The following ANKRD6 variants were observed in gnomAD, a reference collection of about 807,000 sequenced individuals.
The protein encoded by ANKRD6 is ankyrin repeat domain 6, also known as ankyrin repeat domain-containing protein 6.
ANKRD6 carries 56 observed loss-of-function variants against 82.3 expected under a neutral mutation model. That is an observed-to-expected ratio of 0.68 (90% CI 0.55 to 0.85). The LOEUF is 0.85. Ranked by LOEUF, ANKRD6 falls within the 40% of genes least tolerant of loss-of-function variation. The pLI is 0.00. For missense variants in ANKRD6, 852 were observed against 907.6 expected (o/e 0.94, Z 0.79); for synonymous variants, 347 against 352.1 (o/e 0.99, Z 0.16).
At chr6:89,542,172 C>T (rs975725054) in intron 1 of ANKRD6, among the ~76,000 whole-genome samples, 2 of 152,146 alleles carry the variant, frequency 1.3e-5, no homozygotes, top group Non-Finnish European at 1.5e-5. Context: ...TGTCATTTAA[C>T]GTGCTCTTCT....
intron 1 of ANKRD6, among the ~76,000 whole-genome samples, chr6:89,487,249 C>T (rs116573050): frequency 0.012 from 1,868 of 152,234 alleles, 43 homozygotes; most frequent in African/African-American, 0.043. Flanking sequence ...ATAAAATAAG[C>T]ATTTAGTATC....
At chr6:89,531,967 C>A (rs766834594) in intron 1 of ANKRD6, among the ~76,000 whole-genome samples, 7 of 152,158 alleles carry the variant, frequency 4.6e-5, no homozygotes, top group Admixed American at 2.0e-4. Flanking sequence ...CCTAAGAGAG[C>A]TGATGCTGCG....
intron 10 of ANKRD6, among the ~76,000 whole-genome samples, chr6:89,622,597 A>G (rs1303553790): frequency 6.6e-6 from 1 of 152,150 alleles, no homozygotes; most frequent in East Asian, 1.9e-4. Flanking sequence ...CCTTATATGA[A>G]TTAGAAAAAG....
intron 1 of ANKRD6, among the ~76,000 whole-genome samples, chr6:89,539,370 C>T (rs1457066723): frequency 6.6e-6 from 1 of 151,660 alleles, no homozygotes; most frequent in Non-Finnish European, 1.5e-5. Context: ...TATAAATATC[C>T]CCAAGTAGTG....
intron 1 of ANKRD6, among the ~76,000 whole-genome samples, chr6:89,442,467 A>T (rs2127939872): frequency 6.6e-6 from 1 of 151,880 alleles, no homozygotes; most frequent in South Asian, 2.1e-4. Flanking sequence ...ATTAAAAAAA[A>T]AAAAAATTAG....
intron 2 of ANKRD6, among the ~76,000 whole-genome samples, chr6:89,572,831 A>G (rs1302031409): frequency 2.0e-5 from 3 of 152,168 alleles, no homozygotes; most frequent in South Asian, 2.1e-4. Context: ...GACCATATAC[A>G]TGAAGGTTTA....
At chr6:89,448,766 C>G (rs1772410715) in intron 1 of ANKRD6, among the ~76,000 whole-genome samples, 1 of 152,126 alleles carries the variant, frequency 6.6e-6, no homozygotes, top group Non-Finnish European at 1.5e-5. Flanking sequence ...TGCGGTGGCT[C>G]ACGCCTGTAA....
At chr6:89,465,903 A>T (rs905883801) in intron 1 of ANKRD6, among the ~76,000 whole-genome samples, 3 of 152,134 alleles carry the variant, frequency 2.0e-5, no homozygotes, top group African/African-American at 7.2e-5. Context: ...TTTAATGAGG[A>T]TATTAATAGT....
chr6:89,593,309 G>A (rs977720054), intron 2 of ANKRD6, among the ~76,000 whole-genome samples: 1 of 152,232 alleles, frequency 6.6e-6, no homozygotes, highest in Non-Finnish European at 1.5e-5. Flanking sequence ...TCCTTGACAA[G>A]GATATGTGGT....
chr6:89,470,185 C>T (rs1775279377), intron 1 of ANKRD6, among the ~76,000 whole-genome samples: 1 of 152,118 alleles, frequency 6.6e-6, no homozygotes, highest in Non-Finnish European at 1.5e-5. Context: ...AATGAAATCA[C>T]ACCTAAATGC....
chr6:89,622,010 A>T lies in ANKRD6; in HGVS notation c.881A>T (p.Glu294Val), dbSNP rs192076108. The change falls in exon 10 of 16, where the codon GAG becomes GTG. Residue 294 changes from glutamate (E) to valine (V), a missense_variant. Transcript: ENST00000339746. ...ERRAQSVPRD[E>V]VAQSKGSVSA... ...AGAGCCCAGTCTGTGCCAAGAGATG[A>T]GGTGGCCCAAAGCAAGGTGGGGGGC... The T allele has an allele frequency of 6.2e-7, 1 of 1,612,296 alleles. No homozygotes were observed. The highest frequency in any genetic ancestry group is 1.3e-5 in the African/African-American group (1 of 74,998).
At chr6:89,537,879 C>CAA (rs55864526) in intron 1 of ANKRD6, among the ~76,000 whole-genome samples, 3,063 of 110,508 alleles carry the variant, frequency 0.028, 131 homozygotes, top group African/African-American at 0.095. Flanking sequence ...GACAATGTCT[C>CAA]AAAAAAAAAA....
In ANKRD6 at chr6:89,506,652, A is replaced by G. The variant is rs186706437; in HGVS notation, c.-143-60182A>G. Among the ~76,000 whole-genome samples, 548 of 152,318 alleles carry G rather than the reference A, an allele frequency of 3.6e-3. 3 individuals are homozygous for G. The highest frequency in any genetic ancestry group is 5.5e-3 in the Non-Finnish European group (371 of 68,028). On this transcript the variant is annotated intron_variant, in intron 1 of 15. Transcript: ENST00000339746. ...ATTTAAATTTGTCAGTTATACCTCA[A>G]CGAAGCTGGACAAAACAAAACAAAA... is the stretch of plus-strand genomic sequence containing the variant.
intron 1 of ANKRD6, among the ~76,000 whole-genome samples, chr6:89,543,372 C>T (rs1784658657): frequency 6.6e-6 from 1 of 152,130 alleles, no homozygotes; most frequent in African/African-American, 2.4e-5. Context: ...CATTTATATA[C>T]TTGGGGACAA....
chr6:89,626,397 A>G (rs1805695185), intron 13 of ANKRD6, among the ~76,000 whole-genome samples: 1 of 152,156 alleles, frequency 6.6e-6, no homozygotes. Context: ...TACCCGAGCC[A>G]GTTAGTGTGA....
At chr6:89,456,383 C>T (rs565823735) in intron 1 of ANKRD6, among the ~76,000 whole-genome samples, 221 of 152,278 alleles carry the variant, frequency 1.5e-3, no homozygotes, top group African/African-American at 4.9e-3. Context: ...TATTTTCTCA[C>T]GGTTTTGGAG....
At chr6:89,546,489 A>T (rs917443430) in intron 1 of ANKRD6, among the ~76,000 whole-genome samples, 1 of 152,054 alleles carries the variant, frequency 6.6e-6, no homozygotes, top group Non-Finnish European at 1.5e-5. Flanking sequence ...TTTGAGATGG[A>T]GTCTCACTCT....
At chr6:89,446,916 A>G (rs2127948453) in intron 1 of ANKRD6, among the ~76,000 whole-genome samples, 1 of 152,190 alleles carries the variant, frequency 6.6e-6, no homozygotes, top group East Asian at 1.9e-4. Flanking sequence ...CCATGTGAAG[A>G]AGGAGGTGTT....
chr6:89,535,254 C>T (rs1783676906), intron 1 of ANKRD6, among the ~76,000 whole-genome samples: 1 of 152,140 alleles, frequency 6.6e-6, no homozygotes, highest in Non-Finnish European at 1.5e-5. Context: ...CTTTGACCTT[C>T]ATTAAATGTT....
Sources: gnomAD v4.1 joint callset for allele counts (sites outside exome capture counted in the v4.1 genomes callset) on GRCh38, gnomAD v4.1.1 for gene constraint, MANE v1.5 for transcripts, NCBI Gene and HGNC (gene_info 2026-07-23, HGNC 2026-07-21) for gene names.